The following STK10 variants were observed in gnomAD, a reference collection of about 807,000 sequenced individuals.
STK10 encodes the protein serine/threonine kinase 10, also known as serine/threonine-protein kinase 10.
STK10 carries 78 observed loss-of-function variants against 113.8 expected under a neutral mutation model. The observed-to-expected ratio is 0.69, with a 90% CI of 0.57 to 0.83. STK10 has a LOEUF of 0.83. Among genes scored for constraint, STK10 ranks in the 40% least tolerant of loss-of-function variants. STK10 has a pLI of 0.00. For missense variants in STK10, 1,109 were observed against 1,280.1 expected, an observed-to-expected ratio of 0.87 and a Z score of 2.04; for synonymous variants, 465 against 494.7, an observed-to-expected ratio of 0.94 and a Z score of 0.80.
intron 18 of STK10, 101 bp downstream of exon 18, chr5:172,052,828 G>A: frequency 9.1e-7 from 1 of 1,097,842 alleles, no homozygotes; most frequent in Non-Finnish European, 1.3e-6. Flanking sequence ...CACAAAGCAA[G>A]AGTCCACCAA....
intron 2 of STK10, among the ~76,000 whole-genome samples, chr5:172,153,286 C>G (rs796662366): frequency 2.2e-5 from 2 of 91,742 alleles, no homozygotes; most frequent in South Asian, 4.3e-4. Context: ...AACTCCATCT[C>G]AAAAAGAAAG....
In STK10 at chr5:172,054,563, C is replaced by T. The variant is rs113551500; in HGVS notation, c.2652+6G>A. 4.2e-5 allele frequency: 67 copies of T among 1,603,572 alleles called. No individual in the cohort carries two copies. Among genetic ancestry groups the T allele is most frequent in the South Asian group, 3.3e-5 (3 of 90,850 alleles). ...GGGGCAGGGGCAGGGGCAGGCAGGG[C>T]GGTACCTGCAGCTGCTGCAGCTCGC... On this transcript the variant is annotated splice_donor_region_variant and intron_variant, in intron 17 of 18. Transcript: ENST00000176763.
chr5:172,073,989 T>C (rs886522859), intron 12 of STK10, among the ~76,000 whole-genome samples: 2 of 150,524 alleles, frequency 1.3e-5, no homozygotes, highest in African/African-American at 2.4e-5. Context: ...ATAATAATAA[T>C]TCGAATATAA....
intron 1 of STK10, among the ~76,000 whole-genome samples, chr5:172,174,317 G>A (rs1351295669): frequency 2.6e-5 from 4 of 151,984 alleles, no homozygotes; most frequent in East Asian, 1.9e-4. Context: ...GATTACAGGC[G>A]CGCACCATCA....
chr5:172,115,026 C>G (rs1769344622), intron 4 of STK10: 2 of 152,284 alleles, frequency 1.3e-5, no homozygotes, highest in African/African-American at 2.4e-5. Flanking sequence ...GCGATTCTCA[C>G]AGGCTGGGCA....
chr5:172,183,989 G>A (rs1770909293), intron 1 of STK10, among the ~76,000 whole-genome samples: 1 of 152,172 alleles, frequency 6.6e-6, no homozygotes. Context: ...GAAATCTGGA[G>A]TCAGAGTCCT....
At chr5:172,139,653 G>A (rs1246385733) in intron 2 of STK10, among the ~76,000 whole-genome samples, 1 of 152,056 alleles carries the variant, frequency 6.6e-6, no homozygotes, top group Non-Finnish European at 1.5e-5. Flanking sequence ...CCATGAAAGA[G>A]AGAGAAGCTG....
At chr5:172,131,642 A>G (rs927396626) in intron 2 of STK10, among the ~76,000 whole-genome samples, 1 of 152,078 alleles carries the variant, frequency 6.6e-6, no homozygotes, top group South Asian at 2.1e-4. Context: ...TTTTTTTAGT[A>G]TCTGGGTCTT....
chr5:172,145,589 C>T (rs1393639937), intron 2 of STK10, among the ~76,000 whole-genome samples: 1 of 152,210 alleles, frequency 6.6e-6, no homozygotes, highest in African/African-American at 2.4e-5. Context: ...GGACATATGT[C>T]TCCAAAGAAC....
chr5:172,176,457 C>T (rs902400566), intron 1 of STK10, among the ~76,000 whole-genome samples: 6 of 152,184 alleles, frequency 3.9e-5, no homozygotes, highest in African/African-American at 1.4e-4. Context: ...CTGGCCTTCC[C>T]TCCCACACCC....
chr5:172,049,713 G>C (rs377343237), intron 18 of STK10, among the ~76,000 whole-genome samples: 2 of 152,312 alleles, frequency 1.3e-5, no homozygotes, highest in East Asian at 3.9e-4. Flanking sequence ...GCAATGATGG[G>C]TAAAACTTCT....
chr5:172,087,720 C>G, intron 10 of STK10, among the ~76,000 whole-genome samples: 1 of 136,894 alleles, frequency 7.3e-6, no homozygotes, highest in Non-Finnish European at 1.6e-5. Context: ...GCTCCGCCTC[C>G]CGGGTTCACG....
intron 9 of STK10, among the ~76,000 whole-genome samples, chr5:172,091,725 G>T (rs557710662): frequency 3.3e-5 from 5 of 152,194 alleles, no homozygotes; most frequent in African/African-American, 1.2e-4. Context: ...GTAGAGACAG[G>T]GTTTCACCAT....
Position 172,127,353 on chromosome 5 carries a change from C to T in STK10, c.370+20G>A, listed in dbSNP as rs1483484922. 2 of 1,613,574 alleles carry T rather than the reference C, an allele frequency of 1.2e-6. No homozygotes were observed. Among genetic ancestry groups the T allele is most frequent in the South Asian group, 1.1e-5 (1 of 91,052 alleles). The stretch of plus-strand genomic sequence containing the variant: ...CGAGTCGTCTGGTCCCGACAATGCA[C>T]CGAATCAAGTAAGACTCACCCAGCA... On this transcript the variant is annotated intron_variant, in intron 3 of 18. Transcript: ENST00000176763.
intron 7 of STK10, among the ~76,000 whole-genome samples, chr5:172,099,000 T>C (rs1433573927): frequency 2.6e-4 from 29 of 112,982 alleles, no homozygotes; most frequent in Non-Finnish European, 2.6e-4. Flanking sequence ...CCACCATCAT[T>C]ACCATTACCA....
chr5:172,054,514 C>G, intron 17 of STK10, 55 bp downstream of exon 17: 1 of 1,587,878 alleles, frequency 6.3e-7, no homozygotes, highest in Non-Finnish European at 8.5e-7. Context: ...GATCTGATGG[C>G]CTTGGGGAAA....
intron 1 of STK10, among the ~76,000 whole-genome samples, chr5:172,166,636 C>CA (rs1245728013): frequency 2.6e-5 from 4 of 152,186 alleles, no homozygotes; most frequent in South Asian, 4.1e-4. Context: ...AATCTTCCTC[C>CA]AAAAAAGTGG....
intron 1 of STK10, among the ~76,000 whole-genome samples, chr5:172,164,856 G>A (rs777534318): frequency 4.6e-5 from 7 of 152,250 alleles, no homozygotes; most frequent in African/African-American, 7.2e-5. Context: ...AAGCAAGGCC[G>A]GGTTCCGGCG....
At chr5:172,072,305 C>T (rs1052442630) in intron 12 of STK10, among the ~76,000 whole-genome samples, 23 of 151,536 alleles carry the variant, frequency 1.5e-4, no homozygotes, top group African/African-American at 4.9e-4. Context: ...CTTGCTCTGT[C>T]GCCCAGGCTG....
Sources: gnomAD v4.1 joint callset for allele counts (sites outside exome capture counted in the v4.1 genomes callset) on GRCh38, gnomAD v4.1.1 for gene constraint, MANE v1.5 for transcripts, NCBI Gene and HGNC (gene_info 2026-07-23, HGNC 2026-07-21) for gene names.